SPHKAP: variants seen among roughly 807,000 people sequenced by gnomAD.
SPHKAP encodes the protein A-kinase anchor protein SPHKAP.
In SPHKAP, 67 loss-of-function variants were observed where a neutral mutation model predicts 137.5. The observed-to-expected ratio is 0.49, with a 90% CI of 0.40 to 0.60. The LOEUF is 0.60. Among genes scored for constraint, SPHKAP ranks in the 20% least tolerant of loss-of-function variants. The pLI is 0.00. For missense variants in SPHKAP, 2,097 were observed against 2,069.3 expected (o/e 1.01, Z -0.26); for synonymous variants, 813 against 785.3 (o/e 1.04, Z -0.59).
chr2:228,084,236 G>A (rs1409804539), intron 3 of SPHKAP, among the ~76,000 whole-genome samples: 2 of 152,038 alleles, frequency 1.3e-5, no homozygotes, highest in Admixed American at 6.6e-5. Context: ...TCTTTCATAG[G>A]CAGTGCATGT....
chr2:228,088,150 A>G (rs753805460), intron 3 of SPHKAP, among the ~76,000 whole-genome samples: 1 of 152,180 alleles, frequency 6.6e-6, no homozygotes, highest in Non-Finnish European at 1.5e-5. Context: ...AGAGACCCAC[A>G]AATTGTAAAT....
At chr2:228,095,287 G>A (rs1209991856) in intron 3 of SPHKAP, among the ~76,000 whole-genome samples, 2 of 152,146 alleles carry the variant, frequency 1.3e-5, no homozygotes, top group Admixed American at 6.5e-5. Flanking sequence ...AGATAGCCGT[G>A]GCTGAAACCA....
At position 228,151,696 on chromosome 2, in the gene SPHKAP, G is replaced by A. The variant is rs919928283; in HGVS notation, c.33-19611C>T. Among the ~76,000 whole-genome samples the A allele has an allele frequency of 7.2e-5, 11 of 152,096 alleles. No individual in the cohort carries two copies. In the South Asian group the frequency reaches 2.3e-3, roughly 32 times the overall value. On this transcript the variant is annotated intron_variant, in intron 1 of 11. Transcript: ENST00000392056. ...TTAAAAAAATTTTTTTGTAGTGATG[G>A]GATCTCATTCTGTTGCAAGGCTGGT...
chr2:228,158,945 C>A (rs186257145), intron 1 of SPHKAP, among the ~76,000 whole-genome samples: 85 of 152,336 alleles, frequency 5.6e-4, no homozygotes, highest in African/African-American at 1.9e-3. Context: ...ATATGTCTTG[C>A]ATTCCGTCCC....
At chr2:228,003,919 A>G (rs562772361) in intron 7 of SPHKAP, among the ~76,000 whole-genome samples, 1 of 152,276 alleles carries the variant, frequency 6.6e-6, no homozygotes, top group South Asian at 2.1e-4. Context: ...AGCCCACTTG[A>G]TCATGGTGAT....
In SPHKAP at chr2:228,084,605, C is replaced by T. The variant is rs528246539; in HGVS notation, c.246+24227G>A. ...ATGTCCTGTGGAGCTTTGTTTTAGG[C>T]CATCTCTGAAATGTTCACCATTGAT... On this transcript the variant is annotated intron_variant, in intron 3 of 11. Transcript: ENST00000392056. Among the ~76,000 whole-genome samples the T allele has an allele frequency of 1.1e-3, 165 of 152,238 alleles. 1 individual carries two copies. Among genetic ancestry groups the T allele is most frequent in the African/African-American group, 3.5e-3 (147 of 41,528 alleles).
In SPHKAP at chr2:228,021,907, A is replaced by G; in HGVS notation, c.501T>C (p.Ser167=). ...VQCARGNRPN[S]TNCIIFEINK... is the part of the protein sequence containing the mutation. Reference sequence around the variant, plus strand: ...TGATTTCAAAGATGATGCAGTTGGTACTGTTTGGTCTGTTCCCTCTTGCAC... The same window carrying G: ...TGATTTCAAAGATGATGCAGTTGGTGCTGTTTGGTCTGTTCCCTCTTGCAC... The change falls in exon 6 of 12, where the codon AGT becomes AGC. Residue 167 remains serine (S), a synonymous_variant. Transcript: ENST00000392056. 1 of 1,614,130 alleles carries G rather than the reference A, an allele frequency of 6.2e-7. No homozygotes were observed.
rs909564293 is a variant in SPHKAP at position 228,105,247 on chromosome 2, C to T, written c.246+3585G>A. Among the ~76,000 whole-genome samples, 8 of 152,022 alleles carry T rather than the reference C, an allele frequency of 5.3e-5. No homozygotes were observed. In the East Asian group the frequency reaches 5.8e-4, roughly 11 times the overall value. On this transcript the variant is annotated intron_variant, in intron 3 of 11. Transcript: ENST00000392056. ...CCTCCCAAAGTGCTGTGATTATTGG[C>T]GTGAGCCACAATGCCTGGCCTAATT...
chr2:228,150,643 A>G (rs1004698063), intron 1 of SPHKAP, among the ~76,000 whole-genome samples: 11 of 150,896 alleles, frequency 7.3e-5, no homozygotes, highest in African/African-American at 2.2e-4. Context: ...CATTTTTATC[A>G]TTGTTTTATG....
intron 3 of SPHKAP, among the ~76,000 whole-genome samples, chr2:228,096,510 G>C (rs926908467): frequency 1.3e-5 from 2 of 152,056 alleles, no homozygotes; most frequent in Non-Finnish European, 2.9e-5. Flanking sequence ...GGCCTGGGAG[G>C]AACTTGCCCA....
At chr2:228,039,763 GAT>G (rs1482053430) in intron 3 of SPHKAP, among the ~76,000 whole-genome samples, 1 of 152,120 alleles carries the variant, frequency 6.6e-6, no homozygotes, top group Non-Finnish European at 1.5e-5. Context: ...TTTTATATAA[GAT>G]AAAAATGAGT....
At chr2:228,116,218 G>A (rs1481079026) in intron 2 of SPHKAP, among the ~76,000 whole-genome samples, 1 of 152,138 alleles carries the variant, frequency 6.6e-6, no homozygotes, top group Non-Finnish European at 1.5e-5. Flanking sequence ...AAGGTCCTAT[G>A]TGTTCGTATT....
intron 3 of SPHKAP, among the ~76,000 whole-genome samples, chr2:228,098,603 G>A (rs1427374402): frequency 3.3e-5 from 5 of 151,964 alleles, no homozygotes. Context: ...CACACACCAG[G>A]GCCTGTTGTG....
At chr2:228,140,732 G>A (rs906016890) in intron 1 of SPHKAP, among the ~76,000 whole-genome samples, 17 of 152,172 alleles carry the variant, frequency 1.1e-4, no homozygotes, top group South Asian at 4.2e-4. Flanking sequence ...GCTTAGCACC[G>A]TCTCCTTGGT....
intron 3 of SPHKAP, among the ~76,000 whole-genome samples, chr2:228,085,136 G>A (rs530658764): frequency 3.2e-4 from 48 of 152,186 alleles, no homozygotes; most frequent in Non-Finnish European, 6.5e-4. Flanking sequence ...ACTTTCTTCT[G>A]ACACTGCACT....
chr2:228,032,944 C>G (rs554542630), intron 3 of SPHKAP, among the ~76,000 whole-genome samples: 1 of 152,114 alleles, frequency 6.6e-6, no homozygotes, highest in African/African-American at 2.4e-5. Flanking sequence ...TAAAGACCAT[C>G]GAGGCTAGGA....
At chr2:228,174,071 C>G (rs953823685) in intron 1 of SPHKAP, among the ~76,000 whole-genome samples, 1 of 152,150 alleles carries the variant, frequency 6.6e-6, no homozygotes, top group African/African-American at 2.4e-5. Context: ...GAATTCTTAG[C>G]TCTATTGGGA....
At chr2:228,034,027 A>G (rs1246351686) in intron 3 of SPHKAP, among the ~76,000 whole-genome samples, 2 of 152,226 alleles carry the variant, frequency 1.3e-5, no homozygotes, top group Non-Finnish European at 2.9e-5. Context: ...AATAACTACA[A>G]TCAGAGCAGA....
chr2:228,150,125 T>G (rs1459250681), intron 1 of SPHKAP, among the ~76,000 whole-genome samples: 1 of 152,202 alleles, frequency 6.6e-6, no homozygotes, highest in Non-Finnish European at 1.5e-5. Context: ...TTGATTATAA[T>G]AGTTGATTTT....
Sources: allele counts gnomAD v4.1 joint callset (sites outside exome capture counted in the v4.1 genomes callset), GRCh38; gene constraint gnomAD v4.1.1; transcripts MANE v1.5; gene names NCBI Gene and HGNC (gene_info 2026-07-23, HGNC 2026-07-21).